CBFA2T3: variants seen among roughly 807,000 people sequenced by gnomAD.
CBFA2T3 encodes the protein CBFA2/RUNX1 partner transcriptional co-repressor 3.
Under a neutral mutation model 58.6 loss-of-function variants are expected in CBFA2T3, and 31 were observed. The ratio of observed to expected loss-of-function variants is 0.53; its 90% CI spans 0.40 to 0.71. The LOEUF is 0.71. Ranked by LOEUF, CBFA2T3 falls within the 30% of genes least tolerant of loss-of-function variation. CBFA2T3 has a pLI of 0.00. For synonymous variants in CBFA2T3, 531 were observed against 421.9 expected (o/e 1.26, Z -3.17); for missense variants, 1,076 against 963.1 (o/e 1.12, Z -1.55).
At position 88,898,103 on chromosome 16, in the gene CBFA2T3, G is replaced by A. The variant is rs774128321; in HGVS notation, c.354C>T (p.Cys118=). 2 of 1,611,204 alleles carry A rather than the reference G, an allele frequency of 1.2e-6. No homozygotes were observed. Among genetic ancestry groups the A allele is most frequent in the South Asian group, 1.1e-5 (1 of 91,068 alleles). The change falls in exon 3 of 12, where the codon TGC becomes TGT. Residue 118 remains cysteine (C), a synonymous_variant. Transcript: ENST00000268679. ...ATLPHGRFHG[C]LKWSMVCLLM... is the part of the protein sequence containing the mutation. ...AGAGACAGACCATAGACCATTTTAA[G>A]CAGCCATGAAAACGGCCGTGGGGCA... is the stretch of plus-strand genomic sequence containing the variant.
intron 1 of CBFA2T3, among the ~76,000 whole-genome samples, chr16:88,915,390 A>G (rs1201188246): frequency 3.6e-4 from 14 of 38,454 alleles, no homozygotes; most frequent in Admixed American, 1.1e-3. Context: ...CACAAGCAGC[A>G]TGGAGGGGGG....
intron 1 of CBFA2T3, among the ~76,000 whole-genome samples, chr16:88,957,043 A>G (rs889703351): frequency 1.3e-5 from 2 of 151,496 alleles, no homozygotes; most frequent in East Asian, 3.9e-4. Context: ...CGGCAGCCTG[A>G]AGTCGGGGCC....
At chr16:88,947,015 T>C (rs1489764507) in intron 1 of CBFA2T3, among the ~76,000 whole-genome samples, 1 of 152,230 alleles carries the variant, frequency 6.6e-6, no homozygotes, top group African/African-American at 2.4e-5. Context: ...AGTCTAATGG[T>C]AGACGCAAGT....
intron 1 of CBFA2T3, among the ~76,000 whole-genome samples, chr16:88,910,106 C>T: frequency 6.6e-6 from 1 of 152,368 alleles, no homozygotes; most frequent in East Asian, 1.9e-4. Flanking sequence ...TAACCACACG[C>T]ACTACCCCAC....
chr16:88,976,874 G>A lies in CBFA2T3; in HGVS notation c.-67C>T. The A allele has an allele frequency of 1.0e-5, 15 of 1,494,204 alleles. No homozygotes were observed. Among genetic ancestry groups the A allele is most frequent in the East Asian group, 7.5e-5 (3 of 39,826 alleles). 92.6% of individuals were successfully genotyped at this position (1,494,204 alleles called of 1,614,324 possible). ...GGCCTCTACCAGGACTGCCTTTCCC[G>A]ACCTCCTGCAGCCTTGAGGGAAAGA... On this transcript the variant is annotated 5_prime_UTR_variant, in exon 1 of 12. Coordinates refer to ENST00000268679, the MANE Select transcript of CBFA2T3 (RefSeq NM_005187.6).
intron 3 of CBFA2T3, among the ~76,000 whole-genome samples, chr16:88,894,241 T>C (rs580946): frequency 0.019 from 1,212 of 62,702 alleles, 42 homozygotes; most frequent in African/African-American, 0.091. Context: ...CACACATGCA[T>C]ACATATACAC....
rs117765711 is a variant in CBFA2T3 at position 88,888,056 on chromosome 16, G to A, written c.712-1914C>T. ...GCTGTATCTGCAAACTAGCGCTGTG[G>A]AGCCTCTGGCCGAGACAGACTCCGG... is the stretch of plus-strand genomic sequence containing the variant. On this transcript the variant is annotated intron_variant, in intron 5 of 11. Transcript: ENST00000268679. Among the ~76,000 whole-genome samples the A allele has an allele frequency of 6.9e-3, 1,057 of 152,208 alleles. 5 individuals are homozygous for A. Among genetic ancestry groups the A allele is most frequent in the South Asian group, 0.029 (142 of 4,818 alleles).
intron 1 of CBFA2T3, among the ~76,000 whole-genome samples, chr16:88,905,136 T>G (rs1970257895): frequency 2.7e-5 from 4 of 147,014 alleles, no homozygotes; most frequent in African/African-American, 7.6e-5. Context: ...AGGAGGGGGG[T>G]GGGGGAGTGG....
At chr16:88,941,807 A>G (rs1478338456) in intron 1 of CBFA2T3, 1 of 144,164 alleles carries the variant, frequency 6.9e-6, no homozygotes, top group Non-Finnish European at 1.5e-5. Flanking sequence ...TCGCAGCTTT[A>G]GAACCGCGGC....
chr16:88,896,535 G>A (rs150178680), intron 3 of CBFA2T3, among the ~76,000 whole-genome samples: 1,914 of 152,256 alleles, frequency 0.013, 11 homozygotes, highest in East Asian at 0.022. Flanking sequence ...ACCCCACCGC[G>A]CTGCCGAGTT....
intron 1 of CBFA2T3, among the ~76,000 whole-genome samples, chr16:88,910,546 C>T (rs1243509712): frequency 3.3e-5 from 5 of 152,210 alleles, no homozygotes; most frequent in East Asian, 1.9e-4. Context: ...CCGGAGCCAC[C>T]GTCATCTGAA....
intron 5 of CBFA2T3, among the ~76,000 whole-genome samples, chr16:88,888,808 T>G (rs2142570344): frequency 6.6e-6 from 1 of 151,078 alleles, no homozygotes; most frequent in Non-Finnish European, 1.5e-5. Flanking sequence ...GGGCCCCGGG[T>G]GGGGGCACGA....
chr16:88,935,245 G>T (rs1417662585), intron 1 of CBFA2T3, among the ~76,000 whole-genome samples: 1 of 152,216 alleles, frequency 6.6e-6, no homozygotes. Context: ...GCATGGAAGG[G>T]CCCCATGTCC....
At chr16:88,889,920 TTCC>T (rs1376114948) in intron 5 of CBFA2T3, among the ~76,000 whole-genome samples, 4 of 131,090 alleles carry the variant, frequency 3.1e-5, no homozygotes, top group African/African-American at 8.9e-5. Flanking sequence ...CGCCCCGCGA[TTCC>T]TCCTCCTCCA....
At chr16:88,969,049 C>G (rs1441485229) in intron 1 of CBFA2T3, among the ~76,000 whole-genome samples, 1 of 152,156 alleles carries the variant, frequency 6.6e-6, no homozygotes, top group East Asian at 1.9e-4. Context: ...CGGCCTGGTG[C>G]CCCCGTTTTG....
Position 88,875,857 on chromosome 16 carries a change from C to T in CBFA2T3, c.*1119G>A, listed in dbSNP as rs185990038. The T allele has an allele frequency of 3.9e-3, 899 of 233,164 alleles. 3 individuals carry two copies. Among genetic ancestry groups the T allele is most frequent in the Admixed American group, 8.6e-3 (153 of 17,774 alleles). 14.4% of individuals were successfully genotyped at this position (233,164 alleles called of 1,614,324 possible). A position where few individuals can be genotyped will look rare whatever the true frequency, so the allele number is the denominator to read the frequency against. On this transcript the variant is annotated 3_prime_UTR_variant, in exon 12 of 12. Coordinates refer to ENST00000268679, the MANE Select transcript of CBFA2T3 (RefSeq NM_005187.6). The stretch of plus-strand genomic sequence containing the variant: ...CGGAAATATGAAAAGTCACAGGGGG[C>T]GTGAGGACAGACGGCGTGTCCTTTC...
chr16:88,898,858 A>G (rs1432526219), intron 2 of CBFA2T3, among the ~76,000 whole-genome samples: 7 of 152,238 alleles, frequency 4.6e-5, no homozygotes, highest in African/African-American at 1.4e-4. Flanking sequence ...CCCAAACTCT[A>G]CTATATAAAA....
At chr16:88,908,078 A>T (rs1345989419) in intron 1 of CBFA2T3, among the ~76,000 whole-genome samples, 25 of 152,204 alleles carry the variant, frequency 1.6e-4, no homozygotes, top group Admixed American at 1.6e-3. Context: ...GTGGTGACTC[A>T]CACCTGTCAT....
At chr16:88,970,014 G>A (rs909903747) in intron 1 of CBFA2T3, among the ~76,000 whole-genome samples, 3 of 152,208 alleles carry the variant, frequency 2.0e-5, no homozygotes, top group African/African-American at 7.2e-5. Context: ...CACACTTGGG[G>A]CCCTCACCCC....
Sources: gnomAD v4.1 joint callset for allele counts (sites outside exome capture counted in the v4.1 genomes callset) on GRCh38, gnomAD v4.1.1 for gene constraint, MANE v1.5 for transcripts, NCBI Gene and HGNC (gene_info 2026-07-23, HGNC 2026-07-21) for gene names.